Variants in MET observed in about 807,000 individuals in gnomAD.
The protein encoded by MET is MET proto-oncogene, receptor tyrosine kinase.
In MET, 48 loss-of-function variants were observed where a neutral mutation model predicts 133.1. The observed-to-expected ratio is 0.36, with a 90% CI of 0.29 to 0.46. The LOEUF (loss-of-function observed/expected upper bound fraction) is 0.46. MET is among the 20% of genes least tolerant of loss of function. The pLI, the probability that MET is intolerant of heterozygous loss-of-function variation, is 1.00. For missense variants in MET, 1,442 were observed against 1,695.9 expected, an observed-to-expected ratio of 0.85 and a Z score of 2.63; for synonymous variants, 628 against 616.5, an observed-to-expected ratio of 1.02 and a Z score of -0.28.
At chr7:116,755,633 C>T in intron 6 of MET, 118 bp downstream of exon 6, 1 of 1,236,796 alleles carries the variant, frequency 8.1e-7, no homozygotes, top group South Asian at 1.3e-5. Flanking sequence ...AGGGTCTTGG[C>T]CTGTCACATG....
At chr7:116,771,703 T>C (rs376814199) in intron 13 of MET, 49 bp downstream of exon 13, 21 of 1,609,408 alleles carry the variant, frequency 1.3e-5, no homozygotes, top group Non-Finnish European at 1.7e-5. Context: ...AAGAACACAG[T>C]CATTACAGTT....
chr7:116,695,731 A>C (rs1420174204), intron 1 of MET: 1 of 480,272 alleles, frequency 2.1e-6, no homozygotes, highest in African/African-American at 2.0e-5. Flanking sequence ...GAAGGATAAT[A>C]ATACTTCCTT....
intron 11 of MET, among the ~76,000 whole-genome samples, chr7:116,766,576 C>G (rs1332938160): frequency 6.6e-6 from 1 of 152,150 alleles, no homozygotes; most frequent in Non-Finnish European, 1.5e-5. Flanking sequence ...GTCAAAACCA[C>G]CATGAACTCA....
At position 116,795,920 on chromosome 7, in the gene MET, A is replaced by G; in HGVS notation, c.3969A>G (p.Lys1323=). 2 of 1,614,208 alleles carry G rather than the reference A, an allele frequency of 1.2e-6. No homozygotes were observed. The highest frequency in any genetic ancestry group is 1.7e-6 in the Non-Finnish European group (2 of 1,180,034). Residue 1323 remains lysine (K), a synonymous_variant, in exon 21 of 21, where the codon AAA becomes AAG. Coordinates refer to ENST00000397752, the MANE Select transcript of MET (RefSeq NM_000245.4). The stretch of plus-strand genomic sequence containing the variant: ...TAATGCTAAAATGCTGGCACCCTAA[A>G]GCCGAAATGCGCCCATCCTTTTCTG... ...YEVMLKCWHP[K]AEMRPSFSEL...
chr7:116,749,573 G>A (rs1310473164), intron 5 of MET, among the ~76,000 whole-genome samples: 20 of 152,192 alleles, frequency 1.3e-4, no homozygotes, highest in East Asian at 7.7e-4. Flanking sequence ...CTCTCTCACC[G>A]CTCCTATTCA....
chr7:116,695,166 A>G (rs1048627583), intron 1 of MET, among the ~76,000 whole-genome samples: 2 of 152,332 alleles, frequency 1.3e-5, no homozygotes, highest in Admixed American at 6.5e-5. Flanking sequence ...TTTGTTAGAT[A>G]CACTGATACC....
chr7:116,763,406 C>A (rs1261142067), intron 11 of MET, 138 bp downstream of exon 11: 8 of 800,402 alleles, frequency 1.0e-5, no homozygotes, highest in African/African-American at 1.7e-5. Context: ...AAAAACAAAT[C>A]TTTTTGGCAT....
Position 116,759,397 on chromosome 7 carries a change from G to T in MET, c.2271G>T (p.Gly757=), listed in dbSNP as rs755816605. The change falls in exon 10 of 21, where the codon GGG becomes GGT. Residue 757 remains glycine (G), a synonymous_variant. Transcript: ENST00000397752. Reference sequence around the variant, plus strand: ...TTCTATTTTGCTTTGCCAGTGGTGGGAGCACAATAACAGGTGTTGGGAAAA... The same window carrying T: ...TTCTATTTTGCTTTGCCAGTGGTGGTAGCACAATAACAGGTGTTGGGAAAA... ...IHPTKSFISG[G]STITGVGKNL... 1 of 1,613,466 alleles carries T rather than the reference G, an allele frequency of 6.2e-7. No homozygotes were observed. The highest frequency in any genetic ancestry group is 8.5e-7 in the Non-Finnish European group (1 of 1,179,758).
chr7:116,779,078 G>A (rs1384095355), intron 17 of MET, 121 bp downstream of exon 17: 2 of 1,017,064 alleles, frequency 2.0e-6, no homozygotes, highest in Non-Finnish European at 2.9e-6. Context: ...TAAAATGTTA[G>A]CATCATTCAA....
chr7:116,739,271 A>G (rs1162449876), intron 3 of MET, among the ~76,000 whole-genome samples: 4 of 152,258 alleles, frequency 2.6e-5, no homozygotes, highest in Non-Finnish European at 4.4e-5. Context: ...CCTGAAAGCA[A>G]AAATGACATC....
intron 19 of MET, 78 bp downstream of exon 19, chr7:116,783,547 A>AT: frequency 6.6e-7 from 1 of 1,507,262 alleles, no homozygotes; most frequent in Middle Eastern, 1.7e-4. Context: ...TCACTACTTA[A>AT]TTTTTTAAAA....
At chr7:116,768,623 C>T (rs145400702) in intron 11 of MET, among the ~76,000 whole-genome samples, 1,608 of 152,178 alleles carry the variant, frequency 0.011, 15 homozygotes, top group Non-Finnish European at 0.015. Flanking sequence ...TATTGAGATC[C>T]GTATGAGACC....
chr7:116,731,570 C>G (rs1010215350), intron 2 of MET, 98 bp from the exon 3 acceptor site: 1 of 1,234,966 alleles, frequency 8.1e-7, no homozygotes, highest in East Asian at 2.3e-5. Context: ...TTATCCTTGC[C>G]ATTATCCTCC....
chr7:116,753,469 ACTTTATAGGTGC>A (rs1370899692), intron 5 of MET, among the ~76,000 whole-genome samples: 2 of 152,152 alleles, frequency 1.3e-5, no homozygotes, highest in African/African-American at 4.8e-5. Flanking sequence ...TATCTTACAC[ACTTTATAGGTGC>A]CTAATGCGGT....
intron 9 of MET, 148 bp downstream of exon 9, chr7:116,758,768 A>C: frequency 2.6e-6 from 2 of 758,996 alleles, no homozygotes; most frequent in Non-Finnish European, 4.3e-6. Context: ...AGGAGAGAAA[A>C]CTATATTCAG....
chr7:116,710,384 C>G (rs1397851383), intron 2 of MET, among the ~76,000 whole-genome samples: 1 of 152,084 alleles, frequency 6.6e-6, no homozygotes, highest in Non-Finnish European at 1.5e-5. Context: ...TTTATATGTG[C>G]CTGCTTTGAA....
rs1794833626 is a variant in MET at position 116,771,553 on chromosome 7, A to G, written c.2786A>G (p.Gln929Arg). 6.2e-7 allele frequency: 1 copy of G among 1,613,992 alleles called. No homozygotes were observed. The highest frequency in any genetic ancestry group is 1.3e-5 in the African/African-American group (1 of 75,048). ...VLGKVIVQPDQNFTGLIAGVV... is the reference protein window; with the variant it reads ...VLGKVIVQPDRNFTGLIAGVV... ...GGAAAAGTAATAGTTCAACCAGATC[A>G]GAATTTCACAGGATTGATTGCTGGT... is the stretch of plus-strand genomic sequence containing the variant. The change falls in exon 13 of 21, where the codon CAG (glutamine) becomes CGG (arginine). Residue 929 changes from glutamine to arginine, a missense_variant. Transcript: ENST00000397752.
At position 116,714,964 on chromosome 7, in the gene MET, G is replaced by A. The variant is rs532243343; in HGVS notation, c.1200+14680G>A. ...ACTTAAGTAATTCTCTTCAATAGGT[G>A]TGAGTGTTTCCATTTTACAGATGAT... On this transcript the variant is annotated intron_variant, in intron 2 of 20. Transcript: ENST00000397752. Among the ~76,000 whole-genome samples the A allele has an allele frequency of 8.7e-4, 133 of 152,282 alleles. 1 individual carries two copies. The highest frequency in any genetic ancestry group is 3.1e-3 in the African/African-American group (130 of 41,562).
Position 116,755,337 on chromosome 7 carries a change from T to A in MET, c.1702-18T>A, listed in dbSNP as rs2116908273. 2 of 1,613,844 alleles carry A rather than the reference T, an allele frequency of 1.2e-6. No homozygotes were observed. Among genetic ancestry groups the A allele is most frequent in the South Asian group, 1.1e-5 (1 of 91,068 alleles). ...TAATATATTGGGTTTTTTTAAAAGT[T>A]CTATGTTGTCCTTGTAGGTTTTCCC... On this transcript the variant is annotated intron_variant, in intron 5 of 20. Transcript: ENST00000397752.
Sources: gnomAD v4.1 joint callset for allele counts (sites outside exome capture counted in the v4.1 genomes callset) on GRCh38, gnomAD v4.1.1 for gene constraint, MANE v1.5 for transcripts, NCBI Gene and HGNC (gene_info 2026-07-23, HGNC 2026-07-21) for gene names.